PRLR: variants seen among roughly 807,000 people sequenced by gnomAD.
The protein encoded by PRLR is prolactin receptor, also known as hPRL receptor.
PRLR carries 13 observed loss-of-function variants against 40.2 expected under a neutral mutation model. The observed-to-expected ratio is 0.32, with a 90% confidence interval of 0.21 to 0.51. PRLR has a LOEUF of 0.51. PRLR is among the 20% of genes least tolerant of loss of function. The pLI, the probability that PRLR is intolerant of heterozygous loss-of-function variation, is 0.97. For missense variants in PRLR, 656 were observed against 747.3 expected, an observed-to-expected ratio of 0.88 and a Z score of 1.42; for synonymous variants, 269 against 278.7, an observed-to-expected ratio of 0.97 and a Z score of 0.35.
At chr5:35,139,473 T>C (rs900353788) in intron 1 of PRLR, among the ~76,000 whole-genome samples, 3 of 151,962 alleles carry the variant, frequency 2.0e-5, no homozygotes, top group African/African-American at 4.8e-5. Context: ...TCAACAATTA[T>C]AAACAAAGAA....
intron 1 of PRLR, among the ~76,000 whole-genome samples, chr5:35,204,400 T>C (rs543587456): frequency 8.5e-5 from 13 of 152,198 alleles, no homozygotes; most frequent in African/African-American, 3.1e-4. Context: ...GATGGGCCGC[T>C]TTCCTAAGGG....
At chr5:35,068,327 G>T in intron 8 of PRLR, 42 bp from the exon 9 acceptor site, 2 of 1,555,140 alleles carry the variant, frequency 1.3e-6, no homozygotes, top group South Asian at 2.2e-5. Context: ...ACTCATTTCT[G>T]ACTTTGTAAT....
rs1774351482 is a variant in PRLR, at chr5:35,151,867, C to CCTAA, written c.-105-33749_-105-33746dup. ...AAGACCACTGTGTTGTGTCTTATTT[C>CCTAA]CTAACTCACAGAACTTGTGAGCACA... On this transcript the variant is annotated intron_variant, in intron 1 of 9. Coordinates refer to ENST00000618457, the MANE Select transcript of PRLR (RefSeq NM_000949.7). 2.6e-5 allele frequency among the ~76,000 whole-genome samples: 4 copies of CCTAA among 152,300 alleles called. No homozygotes were observed. In the South Asian group the frequency reaches 8.3e-4, roughly 32 times the overall value.
intron 1 of PRLR, among the ~76,000 whole-genome samples, chr5:35,229,613 G>A (rs529518915): frequency 6.6e-6 from 1 of 152,166 alleles, no homozygotes; most frequent in African/African-American, 2.4e-5. Context: ...CTCCCGGGCT[G>A]CAATTCCTCT....
At chr5:35,053,959 A>G (rs1768598272), downstream of PRLR, among the ~76,000 whole-genome samples, 1 of 152,234 alleles carries the variant, frequency 6.6e-6, no homozygotes, top group Admixed American at 6.5e-5. Context: ...AGATACACAG[A>G]AAAATGGGCC....
At chr5:35,138,970 G>A (rs983737965) in intron 1 of PRLR, among the ~76,000 whole-genome samples, 3 of 152,034 alleles carry the variant, frequency 2.0e-5, no homozygotes, top group African/African-American at 7.2e-5. Context: ...GTAGGAGAAA[G>A]GACAGATATT....
chr5:35,205,433 C>T (rs1775991485), intron 1 of PRLR, among the ~76,000 whole-genome samples: 1 of 152,180 alleles, frequency 6.6e-6, no homozygotes, highest in Non-Finnish European at 1.5e-5. Flanking sequence ...AAATTGTTGG[C>T]TTCTTCAAAG....
At chr5:35,118,273 A>G (rs970261561) in intron 1 of PRLR, among the ~76,000 whole-genome samples, 151 bp from the exon 2 acceptor site, 1 of 151,866 alleles carries the variant, frequency 6.6e-6, no homozygotes, top group Non-Finnish European at 1.5e-5. Context: ...GTTTTTTGGC[A>G]GCTTTATTTT....
chr5:35,133,659 G>T (rs1341508700), intron 1 of PRLR, among the ~76,000 whole-genome samples: 1 of 152,180 alleles, frequency 6.6e-6, no homozygotes, highest in African/African-American at 2.4e-5. Context: ...CCATCAATAA[G>T]TTGTGTTTCA....
At chr5:35,124,771 A>C (rs1331908508) in intron 1 of PRLR, among the ~76,000 whole-genome samples, 2 of 152,138 alleles carry the variant, frequency 1.3e-5, no homozygotes, top group Non-Finnish European at 2.9e-5. Context: ...CAACACCCTG[A>C]AATTCTAGGC....
Position 35,200,317 on chromosome 5 carries a change from A to T in PRLR, c.-106+29951T>A, listed in dbSNP as rs571218475. Among the ~76,000 whole-genome samples the T allele has an allele frequency of 3.0e-3, 453 of 152,340 alleles. 2 individuals carry two copies. The highest frequency in any genetic ancestry group is 0.01 in the African/African-American group (436 of 41,578). On this transcript the variant is annotated intron_variant, in intron 1 of 9. Transcript: ENST00000618457. ...AGCAAACCAATTCTATCGTGGCTACATGCTGCCCCAGAACCTGTCCTCTGA... is the reference window on the plus strand; with the variant it reads ...AGCAAACCAATTCTATCGTGGCTACTTGCTGCCCCAGAACCTGTCCTCTGA...
intron 2 of PRLR, among the ~76,000 whole-genome samples, chr5:35,096,954 C>T (rs1414226100): frequency 6.6e-6 from 1 of 152,188 alleles, no homozygotes; most frequent in Non-Finnish European, 1.5e-5. Flanking sequence ...TGTCCCTGGA[C>T]ATTCTCACTA....
rs534817790 is a variant in PRLR at position 35,074,338 on chromosome 5, T to G, written c.374-1594A>C. 7.2e-5 allele frequency among the ~76,000 whole-genome samples: 11 copies of G among 152,090 alleles called. No homozygotes were observed. The South Asian group carries it at 2.3e-3, about 32-fold the overall frequency. On this transcript the variant is annotated intron_variant, in intron 5 of 9. Transcript: ENST00000618457. Reference sequence around the variant, plus strand: ...TTTGCCAGGCGTGGTGGTGTGCACCTGTAGTTCCAGCTACTTGGGAGGCTG... The same window carrying G: ...TTTGCCAGGCGTGGTGGTGTGCACCGGTAGTTCCAGCTACTTGGGAGGCTG...
chr5:35,220,746 C>A (rs1445079060), intron 1 of PRLR, among the ~76,000 whole-genome samples: 8 of 152,114 alleles, frequency 5.3e-5, no homozygotes, highest in African/African-American at 1.9e-4. Flanking sequence ...AGGCCTCTGT[C>A]CATCGTTCTC....
chr5:35,130,019 C>T (rs1273420728), intron 1 of PRLR, among the ~76,000 whole-genome samples: 1 of 152,134 alleles, frequency 6.6e-6, no homozygotes, highest in African/African-American at 2.4e-5. Context: ...ACAGAGCCTG[C>T]CAGATTTACC....
At position 35,063,869 on chromosome 5, in the gene PRLR, G is replaced by T. The variant is rs1769189555; in HGVS notation, c.*1220C>A. 1 of 152,204 alleles carries T rather than the reference G, an allele frequency of 6.6e-6. No individual in the cohort carries two copies. The highest frequency in any genetic ancestry group is 2.4e-5 in the African/African-American group (1 of 41,452). 9.4% of individuals were successfully genotyped at this position (152,204 alleles called of 1,614,324 possible). A position where few individuals can be genotyped will look rare whatever the true frequency, so the allele number is the denominator to read the frequency against. ...GGAGAAATAATTTCTGGTCTGTGGAGAATCCTAAATCCCTAGGTTGGTGGT... is the reference window on the plus strand; with the variant it reads ...GGAGAAATAATTTCTGGTCTGTGGATAATCCTAAATCCCTAGGTTGGTGGT... On this transcript the variant is annotated 3_prime_UTR_variant, in exon 10 of 10. Transcript: ENST00000618457.
At chr5:35,136,576 A>C (rs1410052998) in intron 1 of PRLR, among the ~76,000 whole-genome samples, 1 of 152,138 alleles carries the variant, frequency 6.6e-6, no homozygotes, top group Non-Finnish European at 1.5e-5. Flanking sequence ...TGCATGGGAG[A>C]GGCAGCATCA....
intron 1 of PRLR, among the ~76,000 whole-genome samples, chr5:35,198,453 C>T (rs775195281): frequency 5.1e-4 from 77 of 152,210 alleles, no homozygotes; most frequent in Non-Finnish European, 7.9e-4. Context: ...TCTGGGGATG[C>T]CTACAGTAGC....
At chr5:35,203,929 A>T (rs1579799527) in intron 1 of PRLR, among the ~76,000 whole-genome samples, 1 of 152,216 alleles carries the variant, frequency 6.6e-6, no homozygotes, top group East Asian at 1.9e-4. Context: ...AGAAAGTCGG[A>T]TTGATTTTTT....
Sources: gnomAD v4.1 joint callset for allele counts (sites outside exome capture counted in the v4.1 genomes callset) on GRCh38, gnomAD v4.1.1 for gene constraint, MANE v1.5 for transcripts, NCBI Gene and HGNC (gene_info 2026-07-23, HGNC 2026-07-21) for gene names.